IL1RAPL1: variants seen among roughly 807,000 people sequenced by gnomAD.
The protein encoded by IL1RAPL1 is interleukin-1 receptor accessory protein-like 1.
Under a neutral mutation model 48.4 loss-of-function variants are expected in IL1RAPL1, and 3 were observed. The ratio of observed to expected loss-of-function variants is 0.06; its 90% CI spans 0.03 to 0.16. The LOEUF (loss-of-function observed/expected upper bound fraction) is 0.16, where lower values mean the gene tolerates loss of function less well. Among genes scored for constraint, IL1RAPL1 ranks in the 10% least tolerant of loss-of-function variants. The pLI is 1.00. For synonymous variants in IL1RAPL1, 185 were observed against 187.7 expected (o/e 0.99, Z 0.12); for missense variants, 349 against 530.6 (o/e 0.66, Z 3.36).
intron 1 of IL1RAPL1, among the ~76,000 whole-genome samples, chrX:28,765,079 C>T (rs1439706060): frequency 9.8e-6 from 1 of 101,916 alleles, no homozygotes; most frequent in Non-Finnish European, 2.0e-5. Flanking sequence ...CACATGTTCT[C>T]ACTCATAGGT....
At chrX:28,793,689 A>T (rs909331850) in intron 2 of IL1RAPL1, among the ~76,000 whole-genome samples, 4 of 111,505 alleles carry the variant, frequency 3.6e-5, no homozygotes, top group African/African-American at 1.3e-4. Context: ...AAGGACTGTT[A>T]TGGACAAAGT....
intron 1 of IL1RAPL1, among the ~76,000 whole-genome samples, chrX:28,630,451 G>A (rs772458090): frequency 9.0e-6 from 1 of 111,431 alleles, no homozygotes; most frequent in South Asian, 3.8e-4. Flanking sequence ...GAAGCAGGTT[G>A]TGCACAAATT....
chrX:29,035,627 C>T (rs1000803363), intron 2 of IL1RAPL1, among the ~76,000 whole-genome samples: 3 of 109,162 alleles, frequency 2.7e-5, no homozygotes, highest in Non-Finnish European at 3.8e-5. Context: ...GGTGACAGAG[C>T]GAGACTCCTT....
intron 1 of IL1RAPL1, among the ~76,000 whole-genome samples, chrX:28,651,882 T>A (rs890776238): frequency 2.7e-4 from 30 of 111,448 alleles, no homozygotes; most frequent in African/African-American, 9.5e-4. Context: ...CCATCTAATC[T>A]CTCCTACTCC....
At chrX:28,682,677 GATAAT>G (rs1470611841) in intron 1 of IL1RAPL1, among the ~76,000 whole-genome samples, 1 of 110,846 alleles carries the variant, frequency 9.0e-6, no homozygotes, top group African/African-American at 3.3e-5. Context: ...GGTATTGTCT[GATAAT>G]ATAATATTTT....
intron 6 of IL1RAPL1, among the ~76,000 whole-genome samples, chrX:29,678,955 C>T (rs908304217): frequency 9.0e-6 from 1 of 111,484 alleles, no homozygotes; most frequent in Non-Finnish European, 1.9e-5. Context: ...CACTTCTCCC[C>T]AGTGAGGCTA....
chrX:29,478,409 T>G (rs1279214223), intron 5 of IL1RAPL1, among the ~76,000 whole-genome samples: 3 of 111,631 alleles, frequency 2.7e-5, no homozygotes, highest in Non-Finnish European at 5.6e-5. Flanking sequence ...CTCTTGCCTC[T>G]GTCATCCTGT....
rs36082731 is a variant in IL1RAPL1 at position 28,829,558 on chromosome X, ATTT to A, written c.82+40150_82+40152del. Among the ~76,000 whole-genome samples, 25 of 80,779 alleles carry A rather than the reference ATTT, an allele frequency of 3.1e-4. No homozygotes were observed. In the East Asian group the frequency reaches 5.3e-3, roughly 17 times the overall value. 70.1% of individuals were successfully genotyped at this position (80,779 alleles called of 115,157 possible). A position where few individuals can be genotyped will look rare whatever the true frequency, so the allele number is the denominator to read the frequency against. On this transcript the variant is annotated intron_variant, in intron 2 of 10. Transcript: ENST00000378993. ...TGCTTTATCATGAAAGGGTGCTGGA[ATTT>A]TTTTTTTTTTTTTTTTGAGATGGAG...
intron 5 of IL1RAPL1, among the ~76,000 whole-genome samples, chrX:29,550,458 C>T (rs929334446): frequency 1.5e-4 from 17 of 111,933 alleles, no homozygotes; most frequent in Non-Finnish European, 3.0e-4. Flanking sequence ...GGATTGCAGG[C>T]GTGAGCCACT....
At position 29,691,772 on chromosome X, in the gene IL1RAPL1, A is replaced by AAAAAG. The variant is rs34962805; in HGVS notation, c.778+23268_778+23269insAAAAG. Among the ~76,000 whole-genome samples, 666 of 89,962 alleles carry AAAAAG rather than the reference A, an allele frequency of 7.4e-3. 32 individuals carry two copies. Among genetic ancestry groups the AAAAAG allele is most frequent in the African/African-American group, 0.017 (358 of 21,477 alleles). 78.1% of individuals were successfully genotyped at this position (89,962 alleles called of 115,157 possible). A position where few individuals can be genotyped will look rare whatever the true frequency, so the allele number is the denominator to read the frequency against. On this transcript the variant is annotated intron_variant, in intron 6 of 10. Coordinates refer to ENST00000378993, the MANE Select transcript of IL1RAPL1 (RefSeq NM_014271.4). ...TCTCAAAAAAAAAAAAAAAAAAAAAACTCACTATACTGTTTTCTGCTGCTA... is the reference window on the plus strand; with the variant it reads ...TCTCAAAAAAAAAAAAAAAAAAAAAAAAAAGCTCACTATACTGTTTTCTGCTGCTA...
chrX:29,245,382 A>C (rs1931492316), intron 2 of IL1RAPL1, among the ~76,000 whole-genome samples: 1 of 110,681 alleles, frequency 9.0e-6, no homozygotes, highest in Non-Finnish European at 1.9e-5. Flanking sequence ...ACTAATTTAC[A>C]CTCCCACCAA....
intron 7 of IL1RAPL1, among the ~76,000 whole-genome samples, chrX:29,918,202 A>ATGTT (rs1262348723): frequency 5.5e-4 from 45 of 81,291 alleles, no homozygotes; most frequent in African/African-American, 1.9e-3. Flanking sequence ...AATATAGAAA[A>ATGTT]TGTTAGTGTA....
At chrX:29,212,808 G>T (rs767039621) in intron 2 of IL1RAPL1, among the ~76,000 whole-genome samples, 1 of 111,999 alleles carries the variant, frequency 8.9e-6, no homozygotes, top group South Asian at 3.7e-4. Context: ...ACTGAAAGAG[G>T]ATCATGATAT....
intron 6 of IL1RAPL1, among the ~76,000 whole-genome samples, chrX:29,911,787 C>T (rs762950931): frequency 1.8e-5 from 2 of 112,004 alleles, no homozygotes; most frequent in East Asian, 5.6e-4. Flanking sequence ...AACATTTTCC[C>T]TGTCACATTT....
chrX:28,867,898 A>G (rs986507419), intron 2 of IL1RAPL1, among the ~76,000 whole-genome samples: 3 of 111,647 alleles, frequency 2.7e-5, no homozygotes, highest in African/African-American at 9.8e-5. Context: ...CCATTTTCTT[A>G]TATACTAAAC....
intron 5 of IL1RAPL1, among the ~76,000 whole-genome samples, chrX:29,573,916 G>A (rs922115056): frequency 2.7e-5 from 3 of 111,713 alleles, no homozygotes; most frequent in African/African-American, 9.8e-5. Context: ...TACTTGAGAA[G>A]AAGTCACAGC....
intron 2 of IL1RAPL1, among the ~76,000 whole-genome samples, chrX:29,240,300 T>C (rs1377002910): frequency 1.1e-5 from 1 of 89,894 alleles, no homozygotes; most frequent in Non-Finnish European, 2.1e-5. Flanking sequence ...AGCGGCATGA[T>C]CTCCGCTCAC....
At chrX:29,443,163 ATG>A (rs1195193004) in intron 5 of IL1RAPL1, among the ~76,000 whole-genome samples, 7 of 107,721 alleles carry the variant, frequency 6.5e-5, no homozygotes, top group African/African-American at 2.0e-4. Context: ...CAAATGTGTA[ATG>A]TGTCTCATTC....
At chrX:29,508,030 T>C (rs1935354454) in intron 5 of IL1RAPL1, among the ~76,000 whole-genome samples, 1 of 111,646 alleles carries the variant, frequency 9.0e-6, no homozygotes, top group Non-Finnish European at 1.9e-5. Flanking sequence ...TTAAGAAACA[T>C]TTTCCCACAT....
Sources: allele counts gnomAD v4.1 joint callset (sites outside exome capture counted in the v4.1 genomes callset), GRCh38; gene constraint gnomAD v4.1.1; transcripts MANE v1.5; gene names NCBI Gene and HGNC (gene_info 2026-07-23, HGNC 2026-07-21).